Variants in CFAP206 observed in about 807,000 individuals in gnomAD.
CFAP206 encodes cilia- and flagella-associated protein 206.
CFAP206 carries 53 observed loss-of-function variants against 65.4 expected under a neutral mutation model. The ratio of observed to expected loss-of-function variants is 0.81; its 90% CI spans 0.65 to 1.02. The LOEUF (loss-of-function observed/expected upper bound fraction) is 1.02. Ranked by LOEUF, CFAP206 falls within the 50% of genes least tolerant of loss-of-function variation. The pLI, the probability that CFAP206 is intolerant of heterozygous loss-of-function variation, is 0.00. For synonymous variants in CFAP206, 250 were observed against 254.4 expected (o/e 0.98, Z 0.17); for missense variants, 663 against 753.2 (o/e 0.88, Z 1.40).
intron 11 of CFAP206, among the ~76,000 whole-genome samples, chr6:87,446,370 CTTAAG>C (rs1768440807): frequency 6.6e-6 from 1 of 152,096 alleles, no homozygotes; most frequent in African/African-American, 2.4e-5. Context: ...TTTAATCCAT[CTTAAG>C]TTAATTTTTG....
rs201529657 is a variant in CFAP206, at chr6:87,431,037, T to G, written c.1164T>G (p.Asp388Glu). The change falls in exon 10 of 13, where the codon GAT becomes GAG. Residue 388 changes from aspartate to glutamate, a missense_variant. By Grantham distance (45) the Asp-to-Glu change is conservative. Coordinates refer to ENST00000369562, the MANE Select transcript of CFAP206 (RefSeq NM_001031743.3). ...DVCRMKEHME[D>E]RVNVADFRKL... is the part of the protein sequence containing the mutation. ...TCTTCTTCTCCTTCATTTTAGAAGA[T>G]AGAGTAAATGTGGCAGATTTCAGAA... The G allele has an allele frequency of 1.9e-6, 3 of 1,612,956 alleles. No homozygotes were observed. Among genetic ancestry groups the G allele is most frequent in the Non-Finnish European group, 2.5e-6 (3 of 1,179,566 alleles).
chr6:87,457,000 A>T (rs1341786562), intron 11 of CFAP206, among the ~76,000 whole-genome samples: 9 of 152,040 alleles, frequency 5.9e-5, no homozygotes, highest in Non-Finnish European at 1.2e-4. Context: ...ATACAAAAAA[A>T]TTAGCCACGC....
rs148386413 is a variant in CFAP206 at position 87,460,996 on chromosome 6, C to G, written c.1495-26C>G. 0.017 allele frequency: 26,624 copies of G among 1,549,690 alleles called. 303 individuals carry two copies. Among genetic ancestry groups the G allele is most frequent in the Middle Eastern group, 0.031 (186 of 5,926 alleles). ...AAATAATGTTTATTTTTTACAAGCA[C>G]TAACTACAAAACTCCACTTCTTTAG... On this transcript the variant is annotated intron_variant, in intron 11 of 12. Coordinates refer to ENST00000369562, the MANE Select transcript of CFAP206 (RefSeq NM_001031743.3).
intron 12 of CFAP206, among the ~76,000 whole-genome samples, chr6:87,461,689 AC>A (rs66679842): frequency 0.28 from 42,528 of 150,468 alleles, 6,135 homozygotes; most frequent in Admixed American, 0.39. Context: ...GTCATTTTAA[AC>A]AACAAATATT....
Position 87,443,980 on chromosome 6 carries a change from G to A in CFAP206, c.1494+8927G>A, listed in dbSNP as rs189027332. 1.0e-3 allele frequency among the ~76,000 whole-genome samples: 156 copies of A among 152,162 alleles called. 3 individuals carry two copies. Among genetic ancestry groups the A allele is most frequent in the Admixed American group, 8.9e-3 (136 of 15,266 alleles). On this transcript the variant is annotated intron_variant, in intron 11 of 12. Transcript: ENST00000369562. ...ACATAGCTATTTTCATCATAGTTCG[G>A]TTCTGAATGTTTTCTAATTCTCTTT...
intron 11 of CFAP206, among the ~76,000 whole-genome samples, chr6:87,438,895 A>C (rs145470178): frequency 8.4e-4 from 128 of 152,238 alleles, no homozygotes; most frequent in African/African-American, 3.0e-3. Flanking sequence ...GTGCACCTCT[A>C]TTGTATTAAC....
At chr6:87,442,294 G>C (rs1768373197) in intron 11 of CFAP206, 1 of 152,436 alleles carries the variant, frequency 6.6e-6, no homozygotes, top group Non-Finnish European at 1.5e-5. Context: ...ATTTTTTAAG[G>C]ATTAAAAACT....
At chr6:87,459,657 A>G (rs1768708305) in intron 11 of CFAP206, among the ~76,000 whole-genome samples, 1 of 152,166 alleles carries the variant, frequency 6.6e-6, no homozygotes, top group Non-Finnish European at 1.5e-5. Context: ...GGGGAAAGGG[A>G]AGTCAGTTGA....
chr6:87,436,773 C>T (rs1009720275), intron 11 of CFAP206: 1 of 152,114 alleles, frequency 6.6e-6, no homozygotes, highest in African/African-American at 2.4e-5. Context: ...AGATTGGTCT[C>T]GTCTACAGTG....
intron 4 of CFAP206, among the ~76,000 whole-genome samples, chr6:87,414,228 T>C (rs1767786900): frequency 6.6e-6 from 1 of 152,250 alleles, no homozygotes; most frequent in African/African-American, 2.4e-5. Flanking sequence ...TATTATCTCA[T>C]TATAATTACC....
chr6:87,431,222 A>G, intron 10 of CFAP206, 49 bp downstream of exon 10: 1 of 1,551,638 alleles, frequency 6.4e-7, no homozygotes, highest in Non-Finnish European at 8.8e-7. Context: ...TTTTTTCTTT[A>G]TATGGAGTTC....
rs143203411 is a variant in CFAP206 at position 87,442,955 on chromosome 6, C to T, written c.1494+7902C>T. 2.3e-3 allele frequency among the ~76,000 whole-genome samples: 347 copies of T among 151,936 alleles called. 1 individual carries two copies. The highest frequency in any genetic ancestry group is 7.9e-3 in the African/African-American group (326 of 41,466). ...TATGCATTTCCTTTCTTTTGCTGTC[C>T]GTTGTTTAGATGTGAAAGTTATACA... On this transcript the variant is annotated intron_variant, in intron 11 of 12. Coordinates refer to ENST00000369562, the MANE Select transcript of CFAP206 (RefSeq NM_001031743.3).
intron 6 of CFAP206, among the ~76,000 whole-genome samples, chr6:87,417,431 G>C (rs1477175284): frequency 6.6e-6 from 1 of 151,608 alleles, no homozygotes; most frequent in East Asian, 1.9e-4. Context: ...GTATAAAAGG[G>C]TAATTTTTTC....
Position 87,428,641 on chromosome 6 carries a change from C to T in CFAP206, c.976C>T (p.Leu326Phe), listed in dbSNP as rs373776261. The T allele has an allele frequency of 6.6e-5, 106 of 1,614,072 alleles. 1 individual carries two copies. In the African/African-American group the frequency reaches 1.3e-3, roughly 19 times the overall value. Reference protein sequence around the residue: ...TSQVFPIFIALSTLWTSLQDE... With the variant: ...TSQVFPIFIAFSTLWTSLQDE... ...TCTTCCTCAGCCTATCTTCATTGCA[C>T]TTTCTACTCTGTGGACCAGCTTGCA... The change falls in exon 9 of 13, where the codon CTT becomes TTT. Residue 326 changes from leucine to phenylalanine, a missense_variant. Physicochemically the swap from Leu to Phe is conservative, Grantham distance 22. Transcript: ENST00000369562.
intron 11 of CFAP206, among the ~76,000 whole-genome samples, chr6:87,457,162 A>AAG (rs1402979596): frequency 6.6e-6 from 1 of 151,536 alleles, no homozygotes; most frequent in Non-Finnish European, 1.5e-5. Context: ...AAAAAAAAAA[A>AAG]AAAAGAAAAG....
intron 12 of CFAP206, among the ~76,000 whole-genome samples, chr6:87,462,828 A>G (rs1292537507): frequency 2.0e-5 from 3 of 152,110 alleles, no homozygotes; most frequent in African/African-American, 7.2e-5. Context: ...ATTCCCTAGA[A>G]CTGTATTATA....
intron 7 of CFAP206, among the ~76,000 whole-genome samples, chr6:87,418,873 A>AG (rs1767885538): frequency 2.6e-5 from 4 of 152,040 alleles, no homozygotes; most frequent in Admixed American, 2.6e-4. Flanking sequence ...GCACTTTGGG[A>AG]GGCAAAGGTG....
At chr6:87,417,578 G>A (rs1467728464) in intron 6 of CFAP206, among the ~76,000 whole-genome samples, 3 of 137,152 alleles carry the variant, frequency 2.2e-5, no homozygotes, top group South Asian at 2.3e-4. Flanking sequence ...TTAATAACTA[G>A]AAAAGAAGAT....
rs778646944 is a variant in CFAP206, at chr6:87,418,322, A to G, written c.746A>G (p.Asn249Ser). The G allele has an allele frequency of 6.2e-6, 10 of 1,614,058 alleles. No homozygotes were observed. The highest frequency in any genetic ancestry group is 1.1e-5 in the South Asian group (1 of 91,084). ...RYTAILEKAA[N>S]DPLMRAELQP... ...ACAGCCATCCTTGAGAAGGCAGCCA[A>G]CGACCCACTCATGAGGGCTGAACTT... The change falls in exon 7 of 13, where the codon AAC (asparagine) becomes AGC (serine). Residue 249 changes from asparagine (N) to serine (S), a missense_variant. Coordinates refer to ENST00000369562, the MANE Select transcript of CFAP206 (RefSeq NM_001031743.3).
Sources: allele counts gnomAD v4.1 joint callset (sites outside exome capture counted in the v4.1 genomes callset), GRCh38; gene constraint gnomAD v4.1.1; transcripts MANE v1.5; gene names NCBI Gene and HGNC (gene_info 2026-07-23, HGNC 2026-07-21).